The following STAG2 variants were observed in gnomAD, a reference collection of about 807,000 sequenced individuals.
STAG2 encodes the protein cohesin subunit SA-2.
Under a neutral mutation model 108.1 loss-of-function variants are expected in STAG2, and 14 were observed. That is an observed-to-expected ratio of 0.13 (90% CI 0.09 to 0.20). The LOEUF is 0.20. Ranked by LOEUF, STAG2 falls within the 10% of genes least tolerant of loss-of-function variation. The pLI, the probability that STAG2 is intolerant of heterozygous loss-of-function variation, is 1.00. For missense variants in STAG2, 440 were observed against 940.9 expected (o/e 0.47, Z 6.96); for synonymous variants, 307 against 302.7 (o/e 1.01, Z -0.15).
intron 1 of STAG2, chrX:123,963,499 A>C (rs889351999): frequency 2.2e-4 from 24 of 111,232 alleles, no homozygotes; most frequent in African/African-American, 7.5e-4. Flanking sequence ...TTTTCTTTCT[A>C]CATTGATATC....
intron 1 of STAG2, among the ~76,000 whole-genome samples, chrX:123,990,964 A>G (rs1338375451): frequency 8.9e-6 from 1 of 111,827 alleles, no homozygotes; most frequent in African/African-American, 3.3e-5. Flanking sequence ...CTTGAAAACC[A>G]TACCTGAGGT....
intron 19 of STAG2, 62 bp from the exon 20 acceptor site, chrX:124,063,786 G>A: frequency 9.7e-7 from 1 of 1,027,875 alleles, no homozygotes; most frequent in Non-Finnish European, 1.4e-6. Context: ...GTATGGTCAT[G>A]TAGTCACTTT....
chrX:124,025,934 T>A lies in STAG2; in HGVS notation c.123+16T>A. ...CAAAGGCAAAGTATGTATCAAATAT[T>A]TGACTTTATTTTGTTTCCTAAGATC... On this transcript the variant is annotated intron_variant, in intron 4 of 34. Transcript: ENST00000371145. 9.1e-7 allele frequency: 1 copy of A among 1,096,611 alleles called. No homozygotes were observed. Among genetic ancestry groups the A allele is most frequent in the Non-Finnish European group, 1.2e-6 (1 of 801,731 alleles). The allele number at this position is 1,096,611 out of a possible 1,213,427, so 90.4% of individuals were successfully genotyped here.
chrX:124,062,690 A>AT (rs1271364262), intron 17 of STAG2, among the ~76,000 whole-genome samples: 190 of 110,664 alleles, frequency 1.7e-3, no homozygotes, highest in African/African-American at 6.0e-3. Context: ...GACTATCCAA[A>AT]TTTTTTTTTG....
At chrX:124,095,053 G>T (rs1304190343) in intron 33 of STAG2, among the ~76,000 whole-genome samples, 2 of 110,173 alleles carry the variant, frequency 1.8e-5, no homozygotes, top group African/African-American at 6.6e-5. Flanking sequence ...TCAGCCTCCC[G>T]AGTAGCTGGG....
intron 1 of STAG2, among the ~76,000 whole-genome samples, chrX:123,985,774 T>C (rs1354799775): frequency 9.3e-6 from 1 of 108,047 alleles, no homozygotes. Flanking sequence ...TACGAGGTCT[T>C]GCTATGTTGC....
chrX:124,038,566 G>A (rs1045909468), intron 6 of STAG2, among the ~76,000 whole-genome samples: 1 of 111,445 alleles, frequency 9.0e-6, no homozygotes, highest in Non-Finnish European at 1.9e-5. Context: ...ATTCAATTCT[G>A]CAGTATTCCT....
intron 1 of STAG2, among the ~76,000 whole-genome samples, chrX:124,015,194 G>C (rs2056674137): frequency 9.4e-6 from 1 of 106,236 alleles, no homozygotes; most frequent in Non-Finnish European, 1.9e-5. Context: ...CACCGTGTTA[G>C]CCAGGATGGT....
At chrX:123,967,415 G>A (rs2054152770) in intron 1 of STAG2, among the ~76,000 whole-genome samples, 1 of 108,931 alleles carries the variant, frequency 9.2e-6, no homozygotes, top group Non-Finnish European at 1.9e-5. Flanking sequence ...ACAGGCATGT[G>A]CCACCACACC....
At chrX:124,082,082 A>C (rs993319305) in intron 28 of STAG2, among the ~76,000 whole-genome samples, 13 of 112,422 alleles carry the variant, frequency 1.2e-4, no homozygotes, top group African/African-American at 4.2e-4. Context: ...AATTATGTGA[A>C]TCAAAGCAGC....
intron 1 of STAG2, among the ~76,000 whole-genome samples, chrX:124,018,614 C>G (rs2056816353): frequency 9.0e-6 from 1 of 110,837 alleles, no homozygotes. Context: ...AATCTTCCTG[C>G]CTCAGCCTCC....
chrX:124,000,121 T>C (rs1184134495), intron 1 of STAG2, among the ~76,000 whole-genome samples: 1 of 110,020 alleles, frequency 9.1e-6, no homozygotes, highest in African/African-American at 3.3e-5. Context: ...ATGGACCACG[T>C]ACAGCATGAT....
chrX:124,091,825 T>A (rs1329478317), intron 32 of STAG2, among the ~76,000 whole-genome samples: 1 of 112,697 alleles, frequency 8.9e-6, no homozygotes, highest in Non-Finnish European at 1.9e-5. Context: ...GAATAAATGT[T>A]CAATGCTAAA....
At chrX:124,009,421 AGGTAGGTAGGTAGGTAGG>A (rs2056428957) in intron 1 of STAG2, among the ~76,000 whole-genome samples, 1 of 82,863 alleles carries the variant, frequency 1.2e-5, no homozygotes, top group South Asian at 6.9e-4. Context: ...GTAGGTAGGT[AGGTAGGTAGGTAGGTAGG>A]TAGGTAGATA....
chrX:124,049,908 G>C (rs2057986013), intron 10 of STAG2, among the ~76,000 whole-genome samples: 1 of 112,234 alleles, frequency 8.9e-6, no homozygotes, highest in African/African-American at 3.2e-5. Context: ...TGCCCAGCAG[G>C]TGTGAGCAAA....
At chrX:123,988,188 A>G (rs924349673) in intron 1 of STAG2, among the ~76,000 whole-genome samples, 4 of 112,045 alleles carry the variant, frequency 3.6e-5, no homozygotes, top group African/African-American at 1.3e-4. Flanking sequence ...GGTTCCACCT[A>G]GATGATGTGG....
intron 5 of STAG2, among the ~76,000 whole-genome samples, chrX:124,034,181 C>G (rs1333393377): frequency 9.0e-6 from 1 of 111,545 alleles, no homozygotes; most frequent in East Asian, 2.8e-4. Context: ...GATTGTACCT[C>G]TATCTGTGCC....
intron 14 of STAG2, among the ~76,000 whole-genome samples, chrX:124,057,214 A>G (rs754816550): frequency 1.8e-5 from 2 of 112,473 alleles, no homozygotes; most frequent in East Asian, 5.6e-4. Flanking sequence ...ATCTGTTCAC[A>G]GAAAACAAAG....
At chrX:123,986,163 T>C (rs1332268759) in intron 1 of STAG2, among the ~76,000 whole-genome samples, 1 of 107,135 alleles carries the variant, frequency 9.3e-6, no homozygotes, top group Non-Finnish European at 1.9e-5. Context: ...ATATATATGA[T>C]ACATATGTGA....
Sources: gnomAD v4.1 joint callset for allele counts (sites outside exome capture counted in the v4.1 genomes callset) on GRCh38, gnomAD v4.1.1 for gene constraint, MANE v1.5 for transcripts, NCBI Gene and HGNC (gene_info 2026-07-23, HGNC 2026-07-21) for gene names.